THSD4: variants seen among roughly 807,000 people sequenced by gnomAD.
The protein encoded by THSD4 is thrombospondin type-1 domain-containing protein 4.
Under a neutral mutation model 119.0 loss-of-function variants are expected in THSD4, and 69 were observed. That is an observed-to-expected ratio of 0.58 (90% CI 0.48 to 0.71). The LOEUF is 0.71. Among genes scored for constraint, THSD4 ranks in the 30% least tolerant of loss-of-function variants. The pLI is 0.00. For synonymous variants in THSD4, 524 were observed against 540.4 expected, an observed-to-expected ratio of 0.97 and a Z score of 0.42; for missense variants, 1,393 against 1,391.1, an observed-to-expected ratio of 1.00 and a Z score of -0.02.
Position 71,411,866 on chromosome 15 carries a change from C to T in THSD4, c.1152+43C>T, listed in dbSNP as rs190254988. 8 of 1,608,818 alleles carry T rather than the reference C, an allele frequency of 5.0e-6. No homozygotes were observed. In the African/African-American group the frequency reaches 9.3e-5, roughly 19 times the overall value. On this transcript the variant is annotated intron_variant, in intron 7 of 17. Coordinates refer to ENST00000261862, the MANE Select transcript of THSD4 (RefSeq NM_024817.3). ...GGGGTGAATTCTTAAGGTGTTTGAT[C>T]TGTGACTGCTGACTCCATTGTTTTC...
At chr15:71,714,373 G>GA (rs977810641) in intron 8 of THSD4, among the ~76,000 whole-genome samples, 1 of 152,204 alleles carries the variant, frequency 6.6e-6, no homozygotes, top group African/African-American at 2.4e-5. Context: ...TTGAATGGCG[G>GA]AAAATGCCTG....
chr15:71,554,773 C>T (rs1280294504), intron 7 of THSD4, among the ~76,000 whole-genome samples: 1 of 151,884 alleles, frequency 6.6e-6, no homozygotes, highest in African/African-American at 2.4e-5. Flanking sequence ...GTAACACCAT[C>T]CAGCTCTTTA....
At chr15:71,125,619 C>T (rs2040447858) in intron 1 of THSD4, among the ~76,000 whole-genome samples, 1 of 152,218 alleles carries the variant, frequency 6.6e-6, no homozygotes, top group African/African-American at 2.4e-5. Context: ...GGCTGGCCAG[C>T]CAGGGCCAGA....
At chr15:71,661,617 A>C (rs2051310360) in intron 8 of THSD4, among the ~76,000 whole-genome samples, 1 of 152,052 alleles carries the variant, frequency 6.6e-6, no homozygotes, top group African/African-American at 2.4e-5. Flanking sequence ...GCTGGTCTTG[A>C]ACTCCTGGCC....
intron 7 of THSD4, among the ~76,000 whole-genome samples, chr15:71,554,077 TG>T (rs2048977129): frequency 7.0e-6 from 1 of 142,734 alleles, no homozygotes; most frequent in African/African-American, 2.6e-5. Flanking sequence ...TTTTTTCGTT[TG>T]TTTTTTGTTT....
intron 4 of THSD4, among the ~76,000 whole-genome samples, chr15:71,217,327 C>G (rs1262273868): frequency 6.6e-6 from 1 of 152,108 alleles, no homozygotes; most frequent in Non-Finnish European, 1.5e-5. Context: ...CGGTTAAGAT[C>G]AGGTTTGAGG....
intron 6 of THSD4, among the ~76,000 whole-genome samples, chr15:71,310,112 T>C (rs1394691076): frequency 6.6e-6 from 1 of 152,232 alleles, no homozygotes; most frequent in African/African-American, 2.4e-5. Flanking sequence ...ACCGTGGTCC[T>C]TGGTACCCTG....
At chr15:71,458,354 T>C (rs2047368862) in intron 7 of THSD4, among the ~76,000 whole-genome samples, 1 of 152,222 alleles carries the variant, frequency 6.6e-6, no homozygotes, top group African/African-American at 2.4e-5. Context: ...TATTTTGTCT[T>C]AGTTTGTATT....
intron 6 of THSD4, among the ~76,000 whole-genome samples, chr15:71,317,818 T>C (rs1162033162): frequency 6.6e-6 from 1 of 152,238 alleles, no homozygotes; most frequent in African/African-American, 2.4e-5. Context: ...CCAGGTTTAT[T>C]TTCCACATCT....
chr15:71,394,333 T>G (rs1477877877), intron 6 of THSD4, among the ~76,000 whole-genome samples: 1 of 144,878 alleles, frequency 6.9e-6, no homozygotes, highest in Non-Finnish European at 1.5e-5. Flanking sequence ...AGTGCAGTCG[T>G]GCAATCTTGG....
At chr15:71,699,929 C>A (rs1385780249) in intron 8 of THSD4, among the ~76,000 whole-genome samples, 1 of 151,970 alleles carries the variant, frequency 6.6e-6, no homozygotes, top group South Asian at 2.1e-4. Context: ...CCAATCTGTA[C>A]AAATTAATAA....
intron 6 of THSD4, among the ~76,000 whole-genome samples, chr15:71,387,341 C>G (rs774761683): frequency 7.2e-5 from 11 of 152,086 alleles, no homozygotes; most frequent in Non-Finnish European, 1.3e-4. Context: ...CTCTCCAAAC[C>G]AAATGGTACC....
chr15:71,679,445 A>G lies in THSD4; in HGVS notation c.1357+18711A>G, dbSNP rs1437329682. 5.9e-5 allele frequency among the ~76,000 whole-genome samples: 9 copies of G among 152,236 alleles called. 1 individual carries two copies. On this transcript the variant is annotated intron_variant, in intron 8 of 17. Transcript: ENST00000261862. ...TGAATGGGGGTGCCTATGCTCCAAT[A>G]AAATACGATATACCAAAAAAGCCAG...
chr15:71,130,176 T>G (rs1567133415), intron 1 of THSD4, among the ~76,000 whole-genome samples: 2 of 152,100 alleles, frequency 1.3e-5, no homozygotes, highest in African/African-American at 4.8e-5. Flanking sequence ...GTCAGGAGAC[T>G]CAAGAGACAG....
At chr15:71,328,510 C>A (rs1432182571) in intron 6 of THSD4, among the ~76,000 whole-genome samples, 4 of 152,166 alleles carry the variant, frequency 2.6e-5, no homozygotes, top group African/African-American at 9.7e-5. Context: ...ATCAAGCATC[C>A]ACTATGTTCC....
At chr15:71,644,425 C>A (rs533180274) in intron 7 of THSD4, among the ~76,000 whole-genome samples, 1 of 152,088 alleles carries the variant, frequency 6.6e-6, no homozygotes, top group Non-Finnish European at 1.5e-5. Flanking sequence ...TTATTCCTAT[C>A]CACTTCAGTT....
chr15:71,402,764 G>A (rs2046554220), intron 6 of THSD4, among the ~76,000 whole-genome samples: 1 of 152,158 alleles, frequency 6.6e-6, no homozygotes, highest in African/African-American at 2.4e-5. Flanking sequence ...AACTGCTGGG[G>A]GGTGTGACTG....
At chr15:71,624,988 TTTG>T (rs1265826657) in intron 7 of THSD4, among the ~76,000 whole-genome samples, 1 of 144,168 alleles carries the variant, frequency 6.9e-6, no homozygotes, top group Non-Finnish European at 1.5e-5. Context: ...AAGAGCTTGT[TTTG>T]TTGTTGTTTT....
intron 7 of THSD4, among the ~76,000 whole-genome samples, chr15:71,599,746 A>G (rs906375764): frequency 6.6e-6 from 1 of 152,208 alleles, no homozygotes; most frequent in South Asian, 2.1e-4. Flanking sequence ...GGACTCTGGC[A>G]GTGGGCCAGG....
Sources: allele counts gnomAD v4.1 joint callset (sites outside exome capture counted in the v4.1 genomes callset), GRCh38; gene constraint gnomAD v4.1.1; transcripts MANE v1.5; gene names NCBI Gene and HGNC (gene_info 2026-07-23, HGNC 2026-07-21).